BANF2: variants seen among roughly 807,000 people sequenced by gnomAD.
BANF2 encodes the protein BANF family member 2.
A neutral mutation model predicts 8.0 loss-of-function variants in BANF2; 4 were observed. The observed-to-expected ratio is 0.50, with a 90% CI of 0.25 to 1.14. BANF2 has a LOEUF of 1.14. Among genes scored for constraint, BANF2 ranks in the 50% most tolerant of loss-of-function variants. The pLI, the probability that BANF2 is intolerant of heterozygous loss-of-function variation, is 0.16. For missense variants in BANF2, 96 were observed against 107.5 expected (o/e 0.89, Z 0.47); for synonymous variants, 50 against 40.6 (o/e 1.23, Z -0.88).
intron 1 of BANF2, among the ~76,000 whole-genome samples, chr20:17,704,019 AG>A (rs1246279666): frequency 3.3e-5 from 5 of 152,236 alleles, no homozygotes; most frequent in Non-Finnish European, 5.9e-5. Context: ...CTGGGATTAC[AG>A]GTGTGAACCA....
intron 1 of BANF2, among the ~76,000 whole-genome samples, chr20:17,715,687 A>G (rs1007332290): frequency 6.6e-6 from 1 of 152,146 alleles, no homozygotes; most frequent in Non-Finnish European, 1.5e-5. Flanking sequence ...CTTTGTGCCC[A>G]GCACAGTGCT....
intron 1 of BANF2, among the ~76,000 whole-genome samples, chr20:17,711,315 C>A (rs2037568675): frequency 6.6e-6 from 1 of 152,248 alleles, no homozygotes; most frequent in African/African-American, 2.4e-5. Context: ...TGCCTGAAGA[C>A]ATTGTTTAAC....
intron 1 of BANF2, among the ~76,000 whole-genome samples, chr20:17,717,454 C>A (rs1160500293): frequency 1.3e-5 from 2 of 152,082 alleles, no homozygotes; most frequent in Non-Finnish European, 2.9e-5. Flanking sequence ...TACGAATCTA[C>A]ATTTTAAAAT....
At chr20:17,732,576 C>T (rs1180079902) in intron 3 of BANF2, among the ~76,000 whole-genome samples, 1 of 152,106 alleles carries the variant, frequency 6.6e-6, no homozygotes, top group Non-Finnish European at 1.5e-5. Context: ...AGGCTGGTCT[C>T]GAACTCCTGA....
At chr20:17,699,605 G>A (rs1329167129), upstream of BANF2, among the ~76,000 whole-genome samples, 6 of 152,196 alleles carry the variant, frequency 3.9e-5, no homozygotes, top group African/African-American at 1.4e-4. Flanking sequence ...GGGTACCCAC[G>A]GAAGTCACTT....
At chr20:17,712,343 A>C (rs1003921972) in intron 1 of BANF2, 14 of 176,750 alleles carry the variant, frequency 7.9e-5, no homozygotes, top group Non-Finnish European at 1.3e-4. Context: ...CACTGCCTCA[A>C]GCTTATCTTC....
intron 1 of BANF2, among the ~76,000 whole-genome samples, chr20:17,708,126 C>A (rs2037514119): frequency 6.6e-6 from 1 of 151,246 alleles, no homozygotes; most frequent in African/African-American, 2.4e-5. Flanking sequence ...ACTCGAGAGG[C>A]TGAGACAGAA....
chr20:17,730,390 T>C (rs1022619069), intron 3 of BANF2, among the ~76,000 whole-genome samples: 4 of 152,144 alleles, frequency 2.6e-5, no homozygotes, highest in African/African-American at 7.2e-5. Context: ...GTGAGGAAGG[T>C]GCTTCTCGCG....
intron 1 of BANF2, among the ~76,000 whole-genome samples, chr20:17,701,418 C>T (rs1198772522): frequency 6.6e-6 from 1 of 152,206 alleles, no homozygotes; most frequent in Admixed American, 6.5e-5. Context: ...GGTGCCACGT[C>T]TAAAGAGGGT....
At chr20:17,728,155 C>T (rs970838746) in intron 3 of BANF2, among the ~76,000 whole-genome samples, 2 of 152,148 alleles carry the variant, frequency 1.3e-5, no homozygotes, top group African/African-American at 4.8e-5. Flanking sequence ...CTCCCCTGCT[C>T]CCCGTCCCAC....
intron 2 of BANF2, among the ~76,000 whole-genome samples, chr20:17,723,721 G>T (rs1174116254): frequency 6.6e-6 from 1 of 152,316 alleles, no homozygotes; most frequent in South Asian, 2.1e-4. Context: ...GCGGCCGGGC[G>T]CAGCAGCTCA....
intron 1 of BANF2, among the ~76,000 whole-genome samples, chr20:17,719,471 C>G (rs1032319914): frequency 6.6e-6 from 1 of 151,846 alleles, no homozygotes; most frequent in Non-Finnish European, 1.5e-5. Context: ...CCTTCTTAGG[C>G]CTTGGTTTTC....
chr20:17,705,769 A>T (rs772615117), intron 1 of BANF2, among the ~76,000 whole-genome samples: 23 of 152,246 alleles, frequency 1.5e-4, no homozygotes, highest in Admixed American at 4.6e-4. Context: ...CAACTAGTTC[A>T]TGCTGGGATT....
At chr20:17,703,780 T>C (rs890067317) in intron 1 of BANF2, among the ~76,000 whole-genome samples, 10 of 149,918 alleles carry the variant, frequency 6.7e-5, no homozygotes, top group East Asian at 3.9e-4. Context: ...CTTGCTCTGT[T>C]GCCCAGGCTG....
At chr20:17,735,188 TACTC>T (rs1156833946) in intron 3 of BANF2, among the ~76,000 whole-genome samples, 1 of 152,188 alleles carries the variant, frequency 6.6e-6, no homozygotes, top group African/African-American at 2.4e-5. Flanking sequence ...GAATGTCTCT[TACTC>T]TGTCTGGGTT....
chr20:17,726,086 C>T (rs576342461), intron 3 of BANF2, among the ~76,000 whole-genome samples: 3 of 152,248 alleles, frequency 2.0e-5, no homozygotes, highest in African/African-American at 7.2e-5. Context: ...ATGGAAGTGC[C>T]CCTATTGGGT....
chr20:17,696,396 T>A (rs557754588), upstream of BANF2, among the ~76,000 whole-genome samples: 1 of 152,340 alleles, frequency 6.6e-6, no homozygotes, highest in East Asian at 1.9e-4. Context: ...TACAGGAAAC[T>A]ACCAGACAAT....
At chr20:17,700,103 A>G in intron 1 of BANF2, 48 bp downstream of exon 1, 1 of 747,554 alleles carries the variant, frequency 1.3e-6, no homozygotes, top group Non-Finnish European at 1.6e-6. Flanking sequence ...GATACAGCCA[A>G]CAGCTGGCTG....
chr20:17,721,654 A>T (rs2037731269), intron 1 of BANF2, among the ~76,000 whole-genome samples: 1 of 152,088 alleles, frequency 6.6e-6, no homozygotes, highest in African/African-American at 2.4e-5. Context: ...GGCCTCCCAA[A>T]GTGCTGCGAT....
Sources: gnomAD v4.1 joint callset for allele counts (sites outside exome capture counted in the v4.1 genomes callset) on GRCh38, gnomAD v4.1.1 for gene constraint, MANE v1.5 for transcripts, NCBI Gene and HGNC (gene_info 2026-07-23, HGNC 2026-07-21) for gene names.